The following CAMKMT variants were observed in gnomAD, a reference collection of about 807,000 sequenced individuals.
The protein encoded by CAMKMT is CaM KMT.
CAMKMT carries 53 observed loss-of-function variants against 48.0 expected under a neutral mutation model. The observed-to-expected ratio is 1.10, with a 90% confidence interval of 0.89 to 1.39. The LOEUF is 1.39. Ranked by LOEUF, CAMKMT falls within the 40% of genes most tolerant of loss-of-function variation. The probability of loss-of-function intolerance (pLI) is 0.00; values close to 1 mark genes in which losing one functional copy is unlikely to be tolerated. For synonymous variants in CAMKMT, 165 were observed against 152.3 expected, an observed-to-expected ratio of 1.08 and a Z score of -0.61; for missense variants, 428 against 402.7, an observed-to-expected ratio of 1.06 and a Z score of -0.54.
At chr2:44,592,693 G>T (rs1429486730) in intron 3 of CAMKMT, among the ~76,000 whole-genome samples, 1 of 152,160 alleles carries the variant, frequency 6.6e-6, no homozygotes, top group East Asian at 1.9e-4. Flanking sequence ...TATATACAGG[G>T]TTCAGTCCTA....
intron 3 of CAMKMT, among the ~76,000 whole-genome samples, chr2:44,651,734 C>T (rs905573673): frequency 6.6e-5 from 10 of 152,148 alleles, no homozygotes; most frequent in Middle Eastern, 3.2e-3. Context: ...TGAATGATTA[C>T]GAATCCTTTT....
chr2:44,608,600 C>T (rs1394556389), intron 3 of CAMKMT, among the ~76,000 whole-genome samples: 1 of 152,038 alleles, frequency 6.6e-6, no homozygotes, highest in Non-Finnish European at 1.5e-5. Flanking sequence ...AATATATTTT[C>T]TTCATACCAT....
intron 6 of CAMKMT, among the ~76,000 whole-genome samples, chr2:44,711,879 C>A (rs1450901358): frequency 6.6e-6 from 1 of 152,132 alleles, no homozygotes; most frequent in East Asian, 1.9e-4. Context: ...ACGCAGCCCC[C>A]AAATATTAGA....
intron 3 of CAMKMT, among the ~76,000 whole-genome samples, chr2:44,479,354 C>T (rs1668852888): frequency 6.6e-6 from 1 of 152,170 alleles, no homozygotes; most frequent in African/African-American, 2.4e-5. Flanking sequence ...TGGGGAACAA[C>T]TTTGTGAAAC....
chr2:44,684,522 C>G (rs1010366756), intron 3 of CAMKMT, among the ~76,000 whole-genome samples: 1 of 152,008 alleles, frequency 6.6e-6, no homozygotes, highest in Non-Finnish European at 1.5e-5. Flanking sequence ...ATCATTTTCT[C>G]TCTCTCAAGT....
rs75585584 is a variant in CAMKMT, at chr2:44,552,625, C to T, written c.377-151658C>T. ...CTTACGTTTCAGGAACCATGCTAAG[C>T]GATTTACATACATCATCTCATTTAA... is the stretch of plus-strand genomic sequence containing the variant. On this transcript the variant is annotated intron_variant, in intron 3 of 10. Transcript: ENST00000378494. Among the ~76,000 whole-genome samples the T allele has an allele frequency of 5.1e-3, 782 of 152,162 alleles. 3 individuals are homozygous for T. The highest frequency in any genetic ancestry group is 0.018 in the African/African-American group (753 of 41,512).
At chr2:44,662,096 G>A (rs1261133268) in intron 3 of CAMKMT, among the ~76,000 whole-genome samples, 1 of 152,152 alleles carries the variant, frequency 6.6e-6, no homozygotes, top group Non-Finnish European at 1.5e-5. Flanking sequence ...AACAGATACT[G>A]TTGTCCACAC....
Position 44,675,088 on chromosome 2 carries a change from A to AGGGG in CAMKMT, c.377-29195_377-29194insGGGG, listed in dbSNP as rs1293861815. Among the ~76,000 whole-genome samples, 917 of 148,416 alleles carry AGGGG rather than the reference A, an allele frequency of 6.2e-3. 7 individuals are homozygous for AGGGG. Among genetic ancestry groups the AGGGG allele is most frequent in the African/African-American group, 0.017 (690 of 40,346 alleles). ...GATTTACCAACCTTAAGGGGGGGAA[A>AGGGG]AAAAAAAAGGCAAGCCAGCAAATGA... On this transcript the variant is annotated intron_variant, in intron 3 of 10. Coordinates refer to ENST00000378494, the MANE Select transcript of CAMKMT (RefSeq NM_024766.5).
intron 7 of CAMKMT, among the ~76,000 whole-genome samples, chr2:44,741,645 C>T (rs116418234): frequency 6.6e-6 from 1 of 152,192 alleles, no homozygotes; most frequent in African/African-American, 2.4e-5. Flanking sequence ...TGTAGCACAG[C>T]CATAAGCCTC....
At chr2:44,389,967 T>G (rs1681164557) in intron 2 of CAMKMT, among the ~76,000 whole-genome samples, 1 of 152,220 alleles carries the variant, frequency 6.6e-6, no homozygotes, top group Non-Finnish European at 1.5e-5. Context: ...AACTTCCCTT[T>G]ACATAATGAA....
chr2:44,477,209 G>A (rs900349648), intron 3 of CAMKMT, among the ~76,000 whole-genome samples: 13 of 152,158 alleles, frequency 8.5e-5, no homozygotes, highest in African/African-American at 3.1e-4. Context: ...GTTAATAGGA[G>A]CTTGGAGATT....
At chr2:44,561,995 G>A (rs1668349791) in intron 3 of CAMKMT, among the ~76,000 whole-genome samples, 1 of 152,226 alleles carries the variant, frequency 6.6e-6, no homozygotes, top group African/African-American at 2.4e-5. Context: ...TGGTGATGGT[G>A]TGAAGCAGTT....
In CAMKMT at chr2:44,400,928, G is replaced by GTATATA. The variant is rs1244824905; in HGVS notation, c.376+10624_376+10625insATATAT. The GTATATA allele has an allele frequency of 5.6e-3, 414 of 73,950 alleles. 5 individuals carry two copies. Among genetic ancestry groups the GTATATA allele is most frequent in the South Asian group, 7.8e-3 (16 of 2,048 alleles). 4.6% of individuals were successfully genotyped at this position (73,950 alleles called of 1,614,324 possible). On this transcript the variant is annotated intron_variant, in intron 3 of 10. Transcript: ENST00000378494. Reference sequence around the variant, plus strand: ...TGTATGTGCATGTATACTTATGTGTGTGTATATATATATATATATATATAT... The same window carrying GTATATA: ...TGTATGTGCATGTATACTTATGTGTGTATATATGTATATATATATATATATATATAT...
At chr2:44,481,051 G>A (rs906101548) in intron 3 of CAMKMT, among the ~76,000 whole-genome samples, 4 of 151,870 alleles carry the variant, frequency 2.6e-5, no homozygotes, top group African/African-American at 9.7e-5. Context: ...TCAATAGTAT[G>A]TTCAGAATGA....
intron 3 of CAMKMT, among the ~76,000 whole-genome samples, chr2:44,550,319 G>A (rs1322097740): frequency 6.6e-6 from 1 of 151,866 alleles, no homozygotes; most frequent in Non-Finnish European, 1.5e-5. Context: ...AAGCCTGAGA[G>A]GTTGAGGATT....
chr2:44,371,345 C>T (rs1406766589), intron 1 of CAMKMT, among the ~76,000 whole-genome samples: 1 of 152,152 alleles, frequency 6.6e-6, no homozygotes, highest in East Asian at 1.9e-4. Context: ...TCTGGAATTC[C>T]TGGCCTCAAG....
intron 3 of CAMKMT, chr2:44,631,433 A>G: frequency 1.8e-6 from 1 of 568,218 alleles, no homozygotes; most frequent in South Asian, 2.4e-5. Flanking sequence ...AAGAAAGGAA[A>G]TACAAATCAA....
At chr2:44,711,151 C>T (rs1295190405) in intron 6 of CAMKMT, among the ~76,000 whole-genome samples, 6 of 152,210 alleles carry the variant, frequency 3.9e-5, no homozygotes, top group Non-Finnish European at 8.8e-5. Context: ...GGCCATCTTC[C>T]TGTGTCCAGG....
chr2:44,642,958 C>T (rs1390300161), intron 3 of CAMKMT, among the ~76,000 whole-genome samples: 1 of 151,996 alleles, frequency 6.6e-6, no homozygotes, highest in Non-Finnish European at 1.5e-5. Context: ...TGGTTGTAAG[C>T]CTAATGGATA....
Sources: gnomAD v4.1 joint callset for allele counts (sites outside exome capture counted in the v4.1 genomes callset) on GRCh38, gnomAD v4.1.1 for gene constraint, MANE v1.5 for transcripts, NCBI Gene and HGNC (gene_info 2026-07-23, HGNC 2026-07-21) for gene names.